Variants in ESR2 observed in about 807,000 individuals in gnomAD.
ESR2 encodes the protein estrogen receptor beta.
Under a neutral mutation model 49.6 loss-of-function variants are expected in ESR2, and 36 were observed. The observed-to-expected ratio is 0.73, with a 90% CI of 0.56 to 0.96. The LOEUF (loss-of-function observed/expected upper bound fraction) is 0.96, where lower values mean the gene tolerates loss of function less well. ESR2 is among the 40% of genes least tolerant of loss of function. The pLI is 0.00. For missense variants in ESR2, 714 were observed against 693.0 expected (o/e 1.03, Z -0.34); for synonymous variants, 320 against 266.1 (o/e 1.20, Z -1.97).
rs145870339 is a variant in ESR2 at position 64,254,410 on chromosome 14, G to T, written c.1091+2816C>A. Reference sequence around the variant, plus strand: ...AGGACTAAGTAACTGAACTATCTTAGACTTCAAGTTCCAGACTTCAGAAAG... The same window carrying T: ...AGGACTAAGTAACTGAACTATCTTATACTTCAAGTTCCAGACTTCAGAAAG... On this transcript the variant is annotated intron_variant, in intron 6 of 8. Coordinates refer to ENST00000341099, the MANE Select transcript of ESR2 (RefSeq NM_001437.3). 2.5e-3 allele frequency among the ~76,000 whole-genome samples: 386 copies of T among 152,120 alleles called. 2 individuals are homozygous for T. Among genetic ancestry groups the T allele is most frequent in the Non-Finnish European group, 4.4e-3 (298 of 67,994 alleles).
intron 5 of ESR2, among the ~76,000 whole-genome samples, chr14:64,259,127 C>T (rs1310796324): frequency 6.6e-6 from 1 of 152,224 alleles, no homozygotes; most frequent in Non-Finnish European, 1.5e-5. Context: ...GAGGAAAGTG[C>T]ATCAGTATTG....
rs2229618 is a variant in ESR2, at chr14:64,235,139, G to C, written c.1237C>G (p.Leu413Val). 8.6e-5 allele frequency: 138 copies of C among 1,613,562 alleles called. No individual in the cohort carries two copies. In the East Asian group the frequency reaches 2.5e-3, roughly 29 times the overall value. ...MILLNSSMYP[L>V]VTATQDADSS... ...TCAGCATCCTGGGTCGCTGTGACCA[G>C]AGGGTACATACCTGGACAAAGAATA... The change falls in exon 8 of 9, where the codon CTG becomes GTG. Residue 413 changes from leucine to valine, a missense_variant. Coordinates refer to ENST00000341099, the MANE Select transcript of ESR2 (RefSeq NM_001437.3).
At chr14:64,243,028 A>T (rs1188378380) in intron 7 of ESR2, among the ~76,000 whole-genome samples, 3 of 152,202 alleles carry the variant, frequency 2.0e-5, no homozygotes, top group Non-Finnish European at 4.4e-5. Context: ...ACAGCACAGT[A>T]AAGACCTGCT....
chr14:64,268,760 G>GC (rs780025522), intron 4 of ESR2, 35 bp downstream of exon 4: 1 of 1,237,590 alleles, frequency 8.1e-7, no homozygotes, highest in Non-Finnish European at 1.2e-6. Context: ...TTTTAGCAAG[G>GC]CCCATATTCA....
At position 64,272,501 on chromosome 14, in the gene ESR2, G is replaced by A. The variant is rs201600657; in HGVS notation, c.536-3590C>T. Among the ~76,000 whole-genome samples the A allele has an allele frequency of 2.9e-4, 44 of 152,222 alleles. No homozygotes were observed. In the East Asian group the frequency reaches 7.5e-3, roughly 26 times the overall value. On this transcript the variant is annotated intron_variant, in intron 3 of 8. Coordinates refer to ENST00000341099, the MANE Select transcript of ESR2 (RefSeq NM_001437.3). The stretch of plus-strand genomic sequence containing the variant: ...CCAATGTCCTGGAGAGTTTCCCCGT[G>A]TTTTCTTTTAGTAGTTTCATAGTTT...
At chr14:64,304,399 T>C (rs1362807767) in intron 1 of ESR2, among the ~76,000 whole-genome samples, 2 of 152,204 alleles carry the variant, frequency 1.3e-5, no homozygotes, top group Admixed American at 6.5e-5. Flanking sequence ...GGAGGGGTAA[T>C]GATCTGTGGG....
chr14:64,322,697 C>T (rs1171060590), intron 1 of ESR2, among the ~76,000 whole-genome samples: 1 of 152,158 alleles, frequency 6.6e-6, no homozygotes, highest in East Asian at 1.9e-4. Flanking sequence ...AAATGAACTG[C>T]TTCTATCCTT....
downstream of ESR2, chr14:64,228,048 G>C (rs530430142): frequency 1.4e-6 from 2 of 1,423,368 alleles, no homozygotes; most frequent in East Asian, 5.3e-5. Context: ...CACAGGACCT[G>C]TGGTCATAAA....
intron 1 of ESR2, among the ~76,000 whole-genome samples, chr14:64,316,620 C>T (rs2077259138): frequency 1.3e-5 from 2 of 151,644 alleles, no homozygotes; most frequent in African/African-American, 4.8e-5. Flanking sequence ...ACCAGCCTGG[C>T]CAACATGGTG....
intron 2 of ESR2, among the ~76,000 whole-genome samples, chr14:64,280,614 C>T (rs1417739785): frequency 1.3e-5 from 2 of 152,210 alleles, no homozygotes; most frequent in Non-Finnish European, 2.9e-5. Flanking sequence ...ATCAGTCATT[C>T]CCAACAGCAT....
chr14:64,285,826 C>CAAAAAAAAAAAA (rs10559131), intron 1 of ESR2, among the ~76,000 whole-genome samples: 2 of 100,790 alleles, frequency 2.0e-5, no homozygotes, highest in Non-Finnish European at 2.0e-5. Flanking sequence ...GACTCTGTCT[C>CAAAAAAAAAAAA]AAAAAAAAAA....
intron 7 of ESR2, among the ~76,000 whole-genome samples, chr14:64,237,715 T>C (rs1042392545): frequency 4.6e-5 from 7 of 152,194 alleles, no homozygotes; most frequent in African/African-American, 1.7e-4. Context: ...CGAAAAGGAA[T>C]GAGGTACTGA....
At chr14:64,327,731 T>C (rs941319739) in intron 1 of ESR2, among the ~76,000 whole-genome samples, 18 of 151,542 alleles carry the variant, frequency 1.2e-4, no homozygotes, top group Admixed American at 7.2e-4. Context: ...TAGCTGGGTA[T>C]GGTGGCATGT....
chr14:64,240,516 A>C (rs12437103), intron 7 of ESR2, among the ~76,000 whole-genome samples: 2,362 of 152,244 alleles, frequency 0.016, 64 homozygotes, highest in East Asian at 0.085. Context: ...TTTTGCTTTC[A>C]TTACATTGTT....
At chr14:64,318,869 C>A (rs1027345910) in intron 1 of ESR2, among the ~76,000 whole-genome samples, 11 of 151,978 alleles carry the variant, frequency 7.2e-5, no homozygotes, top group African/African-American at 2.7e-4. Flanking sequence ...ATGGTGCAAT[C>A]CTATCTCTAC....
rs182402497 is a variant in ESR2, at chr14:64,237,946, T to C, written c.1226-2796A>G. Among the ~76,000 whole-genome samples, 48 of 152,292 alleles carry C rather than the reference T, an allele frequency of 3.2e-4. No homozygotes were observed. The East Asian group carries it at 9.1e-3, about 29-fold the overall frequency. On this transcript the variant is annotated intron_variant, in intron 7 of 8. Coordinates refer to ENST00000341099, the MANE Select transcript of ESR2 (RefSeq NM_001437.3). The stretch of plus-strand genomic sequence containing the variant: ...TTCAGGTGATGAAAATGTTCTAAAA[T>C]TGATGGTGGTGATGGTTGCACCACA...
rs569370869 is a variant in ESR2, at chr14:64,229,730, G to C, written c.*3407C>G. Among the ~76,000 whole-genome samples the C allele has an allele frequency of 6.6e-6, 1 of 152,220 alleles. No individual in the cohort carries two copies. Among genetic ancestry groups the C allele is most frequent in the Non-Finnish European group, 1.5e-5 (1 of 68,048 alleles). On this transcript the variant is annotated 3_prime_UTR_variant, in exon 9 of 9. Coordinates refer to ENST00000341099, the MANE Select transcript of ESR2 (RefSeq NM_001437.3). ...AGCAAGTTTGCTTAGACCGTGTCTAGTTCCACAACCAGAAAATAAGGAAAT... is the reference window on the plus strand; with the variant it reads ...AGCAAGTTTGCTTAGACCGTGTCTACTTCCACAACCAGAAAATAAGGAAAT...
chr14:64,336,193 C>T (rs2077530191), intron 1 of ESR2: 1 of 152,042 alleles, frequency 6.6e-6, no homozygotes, highest in South Asian at 2.1e-4. Flanking sequence ...GTGATAAACA[C>T]TTTTACACAT....
At position 64,291,089 on chromosome 14, in the gene ESR2, A is replaced by G. The variant is rs575741774; in HGVS notation, c.-91+2944T>C. ...CTCTGTAGGAACTGGACCAAATTCA[A>G]ATATTCATTTGGGACAGGGTCAGAG... On this transcript the variant is annotated intron_variant, in intron 1 of 8. Transcript: ENST00000341099. Among the ~76,000 whole-genome samples the G allele has an allele frequency of 6.4e-4, 97 of 152,264 alleles. No individual in the cohort carries two copies. In the South Asian group the frequency reaches 9.1e-3, roughly 14 times the overall value.
Sources: allele counts gnomAD v4.1 joint callset (sites outside exome capture counted in the v4.1 genomes callset), GRCh38; gene constraint gnomAD v4.1.1; transcripts MANE v1.5; gene names NCBI Gene and HGNC (gene_info 2026-07-23, HGNC 2026-07-21).